Variants in FYN observed in about 807,000 individuals in gnomAD.
FYN encodes FYN proto-oncogene, Src family tyrosine kinase.
Under a neutral mutation model 70.2 loss-of-function variants are expected in FYN, and 10 were observed. The ratio of observed to expected loss-of-function variants is 0.14; its 90% CI spans 0.09 to 0.24. The LOEUF is 0.24. FYN is among the 10% of genes least tolerant of loss of function. FYN has a pLI of 1.00. For missense variants in FYN, 319 were observed against 673.1 expected, an observed-to-expected ratio of 0.47 and a Z score of 5.82; for synonymous variants, 236 against 248.6, an observed-to-expected ratio of 0.95 and a Z score of 0.48.
intron 2 of FYN, among the ~76,000 whole-genome samples, chr6:111,790,191 C>A (rs9374289): frequency 0.32 from 46,687 of 145,984 alleles, 11,847 homozygotes; most frequent in African/African-American, 0.71. Context: ...ATAATGGGAA[C>A]CATTTTATTT....
At chr6:111,690,556 G>A (rs1799272439) in intron 12 of FYN, among the ~76,000 whole-genome samples, 1 of 152,142 alleles carries the variant, frequency 6.6e-6, no homozygotes, top group African/African-American at 2.4e-5. Flanking sequence ...CCTGAATAGT[G>A]TTTGAGACTT....
At chr6:111,723,775 G>A (rs530588382) in intron 3 of FYN, among the ~76,000 whole-genome samples, 21 of 152,186 alleles carry the variant, frequency 1.4e-4, no homozygotes, top group Non-Finnish European at 2.8e-4. Flanking sequence ...ATGTGCTGTG[G>A]CTTTAATGTC....
intron 12 of FYN, among the ~76,000 whole-genome samples, chr6:111,692,575 G>T (rs1460900763): frequency 6.6e-6 from 1 of 152,190 alleles, no homozygotes; most frequent in Non-Finnish European, 1.5e-5. Flanking sequence ...TCCTGGCCTG[G>T]CAACCTTTTC....
chr6:111,802,110 T>C (rs972546561), intron 2 of FYN, among the ~76,000 whole-genome samples: 2 of 152,198 alleles, frequency 1.3e-5, no homozygotes, highest in African/African-American at 4.8e-5. Flanking sequence ...TCCCAGATGT[T>C]GGAGGTGGGG....
intron 12 of FYN, among the ~76,000 whole-genome samples, chr6:111,687,725 A>G (rs1178829367): frequency 6.6e-6 from 1 of 152,166 alleles, no homozygotes; most frequent in Admixed American, 6.5e-5. Context: ...ACTACTGCCA[A>G]CTACCACTAT....
At chr6:111,803,709 A>C (rs1258236405) in intron 2 of FYN, among the ~76,000 whole-genome samples, 1 of 152,178 alleles carries the variant, frequency 6.6e-6, no homozygotes, top group Non-Finnish European at 1.5e-5. Flanking sequence ...GTCTTTGCTT[A>C]TGGCTTTGAC....
At chr6:111,854,411 T>C (rs1562546463) in intron 1 of FYN, among the ~76,000 whole-genome samples, 1 of 152,214 alleles carries the variant, frequency 6.6e-6, no homozygotes. Flanking sequence ...CCGGTCTTGA[T>C]TGGCAGTAGG....
intron 4 of FYN, 88 bp from the exon 5 acceptor site, chr6:111,714,531 T>C (rs936976727): frequency 1.2e-4 from 113 of 959,310 alleles, no homozygotes; most frequent in Non-Finnish European, 2.3e-5. Context: ...AATCTCATTC[T>C]CACAATCTAC....
At position 111,791,389 on chromosome 6, in the gene FYN, G is replaced by C. The variant is rs193076254; in HGVS notation, c.-81-10754C>G. On this transcript the variant is annotated intron_variant, in intron 2 of 13. Coordinates refer to ENST00000354650, the MANE Select transcript of FYN (RefSeq NM_002037.5). ...CACTGGGTAGTATAGATTGAACCGT[G>C]TCCCCCAAAAAGATATGAAGTTCTA... 2.5e-3 allele frequency among the ~76,000 whole-genome samples: 378 copies of C among 152,318 alleles called. 3 individuals carry two copies. Among genetic ancestry groups the C allele is most frequent in the African/African-American group, 8.4e-3 (350 of 41,576 alleles).
chr6:111,797,538 A>G, intron 2 of FYN, among the ~76,000 whole-genome samples: 1 of 151,412 alleles, frequency 6.6e-6, no homozygotes, highest in Non-Finnish European at 1.5e-5. Flanking sequence ...TAGTAATAGG[A>G]TAGTGAATGG....
intron 3 of FYN, among the ~76,000 whole-genome samples, chr6:111,767,593 G>T (rs1455072034): frequency 6.6e-6 from 1 of 152,016 alleles, no homozygotes; most frequent in African/African-American, 2.4e-5. Context: ...GTAGAGATGG[G>T]GTTTCACCAT....
intron 13 of FYN, 145 bp from the exon 14 acceptor site, chr6:111,662,092 C>T (rs1047280276): frequency 6.4e-6 from 4 of 620,422 alleles, no homozygotes; most frequent in Non-Finnish European, 1.1e-5. Context: ...TCAAACCCTG[C>T]CATGCTACTC....
chr6:111,715,007 G>A (rs1800562244), intron 4 of FYN, among the ~76,000 whole-genome samples: 1 of 152,124 alleles, frequency 6.6e-6, no homozygotes, highest in South Asian at 2.1e-4. Context: ...TCATTTTGCA[G>A]TTTTGTGCTG....
chr6:111,773,586 GGGAA>G (rs1387726977), intron 3 of FYN, among the ~76,000 whole-genome samples: 1 of 63,304 alleles, frequency 1.6e-5, no homozygotes, highest in East Asian at 8.1e-4. Flanking sequence ...GGGAGGGGGA[GGGAA>G]AGGGAAAGGG....
chr6:111,740,518 C>T (rs1471195050), intron 3 of FYN, among the ~76,000 whole-genome samples: 3 of 152,204 alleles, frequency 2.0e-5, no homozygotes, highest in African/African-American at 7.2e-5. Flanking sequence ...TCCAATCTTG[C>T]GCTCTATACC....
At chr6:111,756,177 C>T (rs1443489805) in intron 3 of FYN, among the ~76,000 whole-genome samples, 1 of 151,916 alleles carries the variant, frequency 6.6e-6, no homozygotes, top group Non-Finnish European at 1.5e-5. Context: ...ACAGATTCAG[C>T]AAGGATTAAA....
chr6:111,865,721 T>C (rs770949987), intron 1 of FYN, among the ~76,000 whole-genome samples: 36 of 152,236 alleles, frequency 2.4e-4, no homozygotes, highest in Non-Finnish European at 5.0e-4. Flanking sequence ...TCATAACCCA[T>C]AGTTTTTTCT....
At chr6:111,681,234 G>C (rs1798769181) in intron 12 of FYN, among the ~76,000 whole-genome samples, 2 of 152,048 alleles carry the variant, frequency 1.3e-5, no homozygotes, top group East Asian at 3.9e-4. Context: ...CACCATATTG[G>C]TCAGGCTGCT....
At chr6:111,739,527 G>C (rs759007166) in intron 3 of FYN, among the ~76,000 whole-genome samples, 1 of 152,228 alleles carries the variant, frequency 6.6e-6, no homozygotes, top group Non-Finnish European at 1.5e-5. Flanking sequence ...AGGCCCCGCC[G>C]CTGGGCAGTT....
Sources: allele counts gnomAD v4.1 joint callset (sites outside exome capture counted in the v4.1 genomes callset), GRCh38; gene constraint gnomAD v4.1.1; transcripts MANE v1.5; gene names NCBI Gene and HGNC (gene_info 2026-07-23, HGNC 2026-07-21).